DOCK5: variants seen among roughly 807,000 people sequenced by gnomAD.
The protein encoded by DOCK5 is dedicator of cytokinesis 5.
A neutral mutation model predicts 251.8 loss-of-function variants in DOCK5; 142 were observed. That is an observed-to-expected ratio of 0.56 (90% confidence interval 0.49 to 0.65). DOCK5 has a LOEUF of 0.65. DOCK5 is among the 30% of genes least tolerant of loss of function. The pLI is 0.00. For synonymous variants in DOCK5, 842 were observed against 835.5 expected, an observed-to-expected ratio of 1.01 and a Z score of -0.13; for missense variants, 2,111 against 2,312.3, an observed-to-expected ratio of 0.91 and a Z score of 1.79.
intron 2 of DOCK5, among the ~76,000 whole-genome samples, chr8:25,248,085 A>AGTT (rs1803165111): frequency 6.6e-6 from 1 of 152,198 alleles, no homozygotes; most frequent in African/African-American, 2.4e-5. Flanking sequence ...GAGCTTACTG[A>AGTT]GTTCATTAAC....
chr8:25,342,354 A>T, intron 24 of DOCK5, 47 bp from the exon 25 acceptor site: 1 of 1,456,378 alleles, frequency 6.9e-7, no homozygotes, highest in Non-Finnish European at 9.4e-7. Flanking sequence ...TGATGCCTTC[A>T]ATTTGGCAGA....
intron 42 of DOCK5, among the ~76,000 whole-genome samples, chr8:25,391,198 TGTGTGTG>T (rs1563227980): frequency 1.2e-3 from 4 of 3,344 alleles, no homozygotes; most frequent in Admixed American, 4.2e-3. Context: ...CCACCACACC[TGTGTGTG>T]TGTGTGTGTG....
intron 1 of DOCK5, among the ~76,000 whole-genome samples, chr8:25,196,975 G>C (rs1194837171): frequency 6.6e-6 from 1 of 152,100 alleles, no homozygotes; most frequent in Admixed American, 6.5e-5. Flanking sequence ...GAGGCTGGAG[G>C]ATTGCTTGAG....
chr8:25,237,441 A>G (rs1408908440), intron 1 of DOCK5, among the ~76,000 whole-genome samples: 1 of 152,202 alleles, frequency 6.6e-6, no homozygotes, highest in Non-Finnish European at 1.5e-5. Flanking sequence ...TCATTGTCAA[A>G]ACTGATCACT....
intron 2 of DOCK5, among the ~76,000 whole-genome samples, chr8:25,248,022 G>A (rs891367206): frequency 8.5e-5 from 13 of 152,160 alleles, no homozygotes; most frequent in African/African-American, 3.1e-4. Context: ...AAAAGTAAGC[G>A]CATGTCAAGG....
Position 25,249,429 on chromosome 8 carries a change from T to A in DOCK5, c.127+5672T>A, listed in dbSNP as rs563887340. Among the ~76,000 whole-genome samples the A allele has an allele frequency of 1.1e-4, 16 of 152,320 alleles. No individual in the cohort carries two copies. The South Asian group carries it at 3.1e-3, about 30-fold the overall frequency. On this transcript the variant is annotated intron_variant, in intron 2 of 51. Transcript: ENST00000276440. Reference sequence around the variant, plus strand: ...AATGCAGAGGGTTGGGCAAATATCATCACTATCTACTTTCAGAACACTTTC... The same window carrying A: ...AATGCAGAGGGTTGGGCAAATATCAACACTATCTACTTTCAGAACACTTTC...
chr8:25,235,557 C>T (rs1056968052), intron 1 of DOCK5, among the ~76,000 whole-genome samples: 4 of 152,042 alleles, frequency 2.6e-5, no homozygotes, highest in African/African-American at 9.7e-5. Flanking sequence ...TATGCTGGGC[C>T]TTTGTTCTGT....
intron 37 of DOCK5, chr8:25,376,458 AC>A: frequency 1.3e-6 from 1 of 745,558 alleles, no homozygotes; most frequent in Non-Finnish European, 1.6e-6. Flanking sequence ...CTGTTCATGT[AC>A]CAGTACCATA....
intron 1 of DOCK5, among the ~76,000 whole-genome samples, chr8:25,207,452 T>C (rs1301840857): frequency 1.3e-5 from 2 of 152,220 alleles, no homozygotes; most frequent in Non-Finnish European, 2.9e-5. Context: ...AAGGATAGGC[T>C]GACCCTCTTG....
At chr8:25,293,969 AC>A (rs1395032766) in intron 6 of DOCK5, among the ~76,000 whole-genome samples, 3 of 152,158 alleles carry the variant, frequency 2.0e-5, no homozygotes, top group Non-Finnish European at 2.9e-5. Flanking sequence ...ATGCCACTGC[AC>A]TCCAGCCTGG....
intron 3 of DOCK5, among the ~76,000 whole-genome samples, chr8:25,270,480 AT>A: frequency 6.6e-6 from 1 of 152,228 alleles, no homozygotes; most frequent in East Asian, 1.9e-4. Context: ...AACAATTTTG[AT>A]GTTCTGAATT....
chr8:25,373,001 ATTTT>A (rs36091443), intron 35 of DOCK5, among the ~76,000 whole-genome samples: 8 of 141,354 alleles, frequency 5.7e-5, no homozygotes, highest in African/African-American at 1.1e-4. Flanking sequence ...AGTTTTGGGG[ATTTT>A]TTTTTTTTTT....
chr8:25,269,643 T>C (rs190920323), intron 3 of DOCK5, among the ~76,000 whole-genome samples: 163 of 152,314 alleles, frequency 1.1e-3, no homozygotes, highest in East Asian at 5.0e-3. Context: ...CTATTAATTA[T>C]GTTAATACCT....
chr8:25,328,556 C>G (rs1428203886), intron 18 of DOCK5, among the ~76,000 whole-genome samples: 1 of 152,114 alleles, frequency 6.6e-6, no homozygotes, highest in African/African-American at 2.4e-5. Flanking sequence ...AGGGTGTTGA[C>G]TGAGTAGAGA....
chr8:25,395,541 A>T lies in DOCK5; in HGVS notation c.4528-2A>T, dbSNP rs1340452686. On this transcript the variant is annotated splice_acceptor_variant, in intron 44 of 51. Transcript: ENST00000276440. LOFTEE classifies it high-confidence loss of function. ...CTTTCTCCCATGTGCTCTGTCACTC[A>T]GGAAGAGATCAGTCCTCTGGAGAAT... is the stretch of plus-strand genomic sequence containing the variant. The T allele has an allele frequency of 1.9e-6, 3 of 1,607,342 alleles. No homozygotes were observed. The Admixed American group carries it at 5.2e-5, about 28-fold the overall frequency.
intron 34 of DOCK5, among the ~76,000 whole-genome samples, chr8:25,370,230 G>C (rs112187078): frequency 6.6e-6 from 1 of 152,238 alleles, no homozygotes; most frequent in Admixed American, 6.5e-5. Flanking sequence ...GTAATGAAGA[G>C]TGGGAAAGTG....
chr8:25,186,852 T>A (rs1801442157), intron 1 of DOCK5, among the ~76,000 whole-genome samples: 2 of 152,178 alleles, frequency 1.3e-5, no homozygotes, highest in Non-Finnish European at 2.9e-5. Context: ...TAATTGTTTT[T>A]AATATTTTGT....
intron 3 of DOCK5, among the ~76,000 whole-genome samples, chr8:25,269,975 C>T (rs1803863842): frequency 6.6e-6 from 1 of 152,178 alleles, no homozygotes; most frequent in South Asian, 2.1e-4. Context: ...AAACACCTTT[C>T]TACAAGGTAT....
chr8:25,251,466 A>G (rs1012907006), intron 2 of DOCK5, among the ~76,000 whole-genome samples: 4 of 152,242 alleles, frequency 2.6e-5, no homozygotes, highest in African/African-American at 4.8e-5. Context: ...TATTTCTTCT[A>G]TATAGAAGAA....
Sources: gnomAD v4.1 joint callset for allele counts (sites outside exome capture counted in the v4.1 genomes callset) on GRCh38, gnomAD v4.1.1 for gene constraint, MANE v1.5 for transcripts, NCBI Gene and HGNC (gene_info 2026-07-23, HGNC 2026-07-21) for gene names.